The following ACVR1C variants were observed in gnomAD, a reference collection of about 807,000 sequenced individuals.
ACVR1C encodes activin A receptor type 1C, also known as activin receptor type-1C.
Under a neutral mutation model 57.9 loss-of-function variants are expected in ACVR1C, and 23 were observed. The observed-to-expected ratio is 0.40, with a 90% CI of 0.29 to 0.56. The LOEUF (loss-of-function observed/expected upper bound fraction) is 0.56, where lower values mean the gene tolerates loss of function less well. ACVR1C is among the 20% of genes least tolerant of loss of function. The pLI, the probability that ACVR1C is intolerant of heterozygous loss-of-function variation, is 0.50. For missense variants in ACVR1C, 480 were observed against 607.9 expected (o/e 0.79, Z 2.21); for synonymous variants, 214 against 215.3 (o/e 0.99, Z 0.05).
At chr2:157,603,640 G>A (rs1048057725) in intron 1 of ACVR1C, among the ~76,000 whole-genome samples, 1 of 152,012 alleles carries the variant, frequency 6.6e-6, no homozygotes, top group Non-Finnish European at 1.5e-5. Context: ...CTTTATCTGT[G>A]TACAGATAAT....
intron 6 of ACVR1C, 104 bp from the exon 7 acceptor site, chr2:157,541,318 T>G: frequency 8.5e-7 from 1 of 1,171,926 alleles, no homozygotes; most frequent in South Asian, 1.7e-5. Flanking sequence ...AAAGGCAGAT[T>G]TGAAGCACTA....
intron 6 of ACVR1C, 22 bp downstream of exon 6, chr2:157,542,684 C>A: frequency 6.2e-7 from 1 of 1,606,588 alleles, no homozygotes; most frequent in Non-Finnish European, 8.5e-7. Flanking sequence ...TCTTACTATG[C>A]TACCCAAGTC....
intron 1 of ACVR1C, among the ~76,000 whole-genome samples, chr2:157,597,975 A>G (rs1374389138): frequency 1.3e-5 from 2 of 152,208 alleles, no homozygotes; most frequent in African/African-American, 2.4e-5. Context: ...AAATTGTAAG[A>G]AGAAATGAGA....
At chr2:157,553,179 C>A (rs116807098) in intron 3 of ACVR1C, among the ~76,000 whole-genome samples, 6 of 152,270 alleles carry the variant, frequency 3.9e-5, no homozygotes, top group African/African-American at 9.6e-5. Context: ...GAATCAGACT[C>A]CCCCCTCCTC....
At chr2:157,615,238 A>C (rs1301255945) in intron 1 of ACVR1C, among the ~76,000 whole-genome samples, 1 of 151,748 alleles carries the variant, frequency 6.6e-6, no homozygotes, top group African/African-American at 2.4e-5. Flanking sequence ...AGGCCAAGGC[A>C]GGAGGATCAC....
chr2:157,555,101 CTTTTTTTTTTTT>C (rs60269781), intron 3 of ACVR1C, among the ~76,000 whole-genome samples: 1 of 83,926 alleles, frequency 1.2e-5, no homozygotes, highest in African/African-American at 5.9e-5. Context: ...ACTTTGAACG[CTTTTTTTTTTTT>C]TTTTTTTTTT....
intron 1 of ACVR1C, among the ~76,000 whole-genome samples, chr2:157,623,862 A>G (rs764751722): frequency 2.6e-5 from 4 of 152,012 alleles, no homozygotes; most frequent in Non-Finnish European, 5.9e-5. Flanking sequence ...CCCCATACAT[A>G]TATATATATC....
chr2:157,606,157 A>G (rs1295487505), intron 1 of ACVR1C, among the ~76,000 whole-genome samples: 1 of 151,752 alleles, frequency 6.6e-6, no homozygotes, highest in African/African-American at 2.4e-5. Context: ...GCTGAACAAT[A>G]TTCCATCATG....
chr2:157,589,186 C>A (rs917372106), intron 1 of ACVR1C, among the ~76,000 whole-genome samples: 1 of 151,772 alleles, frequency 6.6e-6, no homozygotes, highest in African/African-American at 2.4e-5. Context: ...CATATCCACA[C>A]CAAACATCTA....
intron 1 of ACVR1C, among the ~76,000 whole-genome samples, chr2:157,602,204 C>T (rs1373161576): frequency 1.3e-5 from 2 of 152,084 alleles, no homozygotes; most frequent in African/African-American, 4.8e-5. Context: ...TATTGGTTAC[C>T]ACACTAATTT....
chr2:157,542,138 T>G (rs1423877311), intron 6 of ACVR1C, among the ~76,000 whole-genome samples: 3 of 152,194 alleles, frequency 2.0e-5, no homozygotes, highest in Non-Finnish European at 4.4e-5. Context: ...TCATATTATC[T>G]TAATACATAT....
chr2:157,567,972 T>C (rs1187033953), intron 2 of ACVR1C, among the ~76,000 whole-genome samples: 1 of 124,774 alleles, frequency 8.0e-6, no homozygotes. Context: ...GAGAGAAAGG[T>C]CGGGTTACCC....
intron 1 of ACVR1C, among the ~76,000 whole-genome samples, chr2:157,624,833 T>C (rs1360956541): frequency 6.6e-6 from 1 of 152,214 alleles, no homozygotes; most frequent in Non-Finnish European, 1.5e-5. Flanking sequence ...TTCTTTTATG[T>C]TGGTTTGCAA....
intron 2 of ACVR1C, among the ~76,000 whole-genome samples, chr2:157,586,282 G>A (rs1688919841): frequency 6.6e-6 from 1 of 151,848 alleles, no homozygotes; most frequent in African/African-American, 2.4e-5. Flanking sequence ...ATTAAAAGGT[G>A]GTTAGTTTAT....
chr2:157,587,224 T>G lies in ACVR1C; in HGVS notation c.267A>C (p.Thr89=). 8 of 1,613,640 alleles carry G rather than the reference T, an allele frequency of 5.0e-6. No individual in the cohort carries two copies. The highest frequency in any genetic ancestry group is 6.8e-6 in the Non-Finnish European group (8 of 1,179,608). The change falls in exon 2 of 9, where the codon ACA becomes ACC. Residue 89 remains threonine, a synonymous_variant. Transcript: ENST00000243349. ...NNVTKTECCF[T]DFCNNITLHL... ...GCAGTGTTATGTTGTTGCAAAAATC[T>G]GTGAAGCAGCATTCGGTTTTGGTAA...
chr2:157,597,022 C>T (rs1309781741), intron 1 of ACVR1C, among the ~76,000 whole-genome samples: 1 of 151,860 alleles, frequency 6.6e-6, no homozygotes, highest in Admixed American at 6.6e-5. Flanking sequence ...GGGGCAGGGG[C>T]GGGAAGGTTT....
chr2:157,546,405 G>A (rs1260217329), intron 4 of ACVR1C, among the ~76,000 whole-genome samples: 1 of 152,198 alleles, frequency 6.6e-6, no homozygotes, highest in African/African-American at 2.4e-5. Context: ...TGGCCAAAAT[G>A]TGTGCTAAAT....
chr2:157,603,425 G>C (rs904302991), intron 1 of ACVR1C, among the ~76,000 whole-genome samples: 8 of 152,078 alleles, frequency 5.3e-5, no homozygotes, highest in South Asian at 4.1e-4. Context: ...CAGCAAAATA[G>C]GTTTGTTAAC....
intron 2 of ACVR1C, among the ~76,000 whole-genome samples, chr2:157,570,527 A>G (rs1688492580): frequency 1.4e-5 from 1 of 70,000 alleles, no homozygotes; most frequent in Admixed American, 1.5e-4. Flanking sequence ...CTCAGGATAC[A>G]AAATCAATGT....
Sources: allele counts gnomAD v4.1 joint callset (sites outside exome capture counted in the v4.1 genomes callset), GRCh38; gene constraint gnomAD v4.1.1; transcripts MANE v1.5; gene names NCBI Gene and HGNC (gene_info 2026-07-23, HGNC 2026-07-21).